RAB31: variants seen among roughly 807,000 people sequenced by gnomAD.
The protein encoded by RAB31 is RAB31, member RAS oncogene family, also known as ras-related protein Rab-31.
In RAB31, 21 loss-of-function variants were observed where a neutral mutation model predicts 25.6. The observed-to-expected ratio is 0.82, with a 90% confidence interval of 0.58 to 1.18. RAB31 has a LOEUF of 1.18. Ranked by LOEUF, RAB31 falls within the 50% of genes most tolerant of loss-of-function variation. The pLI is 0.00. For synonymous variants in RAB31, 87 were observed against 84.0 expected, an observed-to-expected ratio of 1.04 and a Z score of -0.20; for missense variants, 196 against 250.1, an observed-to-expected ratio of 0.78 and a Z score of 1.46.
intron 1 of RAB31, among the ~76,000 whole-genome samples, chr18:9,760,751 C>G (rs1468387983): frequency 6.6e-6 from 1 of 152,154 alleles, no homozygotes; most frequent in African/African-American, 2.4e-5. Context: ...TCCCAAGGCC[C>G]CCGCTAAGGA....
chr18:9,803,391 A>G (rs2068523905), intron 3 of RAB31, among the ~76,000 whole-genome samples: 1 of 152,106 alleles, frequency 6.6e-6, no homozygotes. Flanking sequence ...ACCAGCCACT[A>G]TGCCTGGCTA....
At chr18:9,819,124 A>G (rs1007880179) in intron 5 of RAB31, among the ~76,000 whole-genome samples, 6 of 152,136 alleles carry the variant, frequency 3.9e-5, no homozygotes, top group African/African-American at 1.4e-4. Context: ...TGTCCAGCTT[A>G]TCATGTTTTT....
At chr18:9,857,717 T>TAGAG (rs2068825931) in intron 6 of RAB31, among the ~76,000 whole-genome samples, 1 of 151,294 alleles carries the variant, frequency 6.6e-6, no homozygotes, top group East Asian at 1.9e-4. Context: ...GATAGATAGA[T>TAGAG]AGATAGATAG....
At chr18:9,823,080 T>C (rs1369514177) in intron 5 of RAB31, among the ~76,000 whole-genome samples, 8 of 152,176 alleles carry the variant, frequency 5.3e-5, no homozygotes, top group Non-Finnish European at 1.0e-4. Context: ...TACTCAGCAC[T>C]AAAAGGAGGC....
chr18:9,729,382 C>T (rs980458636), intron 1 of RAB31, among the ~76,000 whole-genome samples: 2 of 151,926 alleles, frequency 1.3e-5, no homozygotes, highest in African/African-American at 4.8e-5. Flanking sequence ...AAAAAATTAG[C>T]CGGGCGTGGT....
intron 1 of RAB31, among the ~76,000 whole-genome samples, chr18:9,743,689 A>G (rs796818730): frequency 2.6e-5 from 4 of 152,330 alleles, no homozygotes; most frequent in African/African-American, 9.6e-5. Context: ...ACACACTCTG[A>G]GTCACCACCA....
chr18:9,721,870 G>A (rs570138529), intron 1 of RAB31, among the ~76,000 whole-genome samples: 1 of 152,202 alleles, frequency 6.6e-6, no homozygotes, highest in East Asian at 1.9e-4. Flanking sequence ...AAGGGCCCTG[G>A]GCATGCTGGT....
chr18:9,773,840 T>G (rs2068358185), intron 1 of RAB31, among the ~76,000 whole-genome samples: 1 of 152,074 alleles, frequency 6.6e-6, no homozygotes, highest in Non-Finnish European at 1.5e-5. Context: ...TACATTTTTT[T>G]GTAGAGTCAG....
At chr18:9,799,851 A>G (rs1483067358) in intron 3 of RAB31, among the ~76,000 whole-genome samples, 1 of 152,188 alleles carries the variant, frequency 6.6e-6, no homozygotes, top group Non-Finnish European at 1.5e-5. Flanking sequence ...CATTAGTAAG[A>G]TTTGTGCATG....
chr18:9,741,647 G>A (rs1357969172), intron 1 of RAB31, among the ~76,000 whole-genome samples: 1 of 152,146 alleles, frequency 6.6e-6, no homozygotes, highest in East Asian at 1.9e-4. Context: ...CCTGTGTGCA[G>A]CACGTACATG....
At chr18:9,819,427 A>G (rs2068614620) in intron 5 of RAB31, among the ~76,000 whole-genome samples, 1 of 152,174 alleles carries the variant, frequency 6.6e-6, no homozygotes, top group African/African-American at 2.4e-5. Context: ...GTTGATCTAC[A>G]CGTCTGTCCT....
At chr18:9,720,903 G>A (rs921771527) in intron 1 of RAB31, among the ~76,000 whole-genome samples, 5 of 152,122 alleles carry the variant, frequency 3.3e-5, no homozygotes, top group African/African-American at 1.2e-4. Flanking sequence ...TAGCTTCGGT[G>A]AAATGACAGG....
intron 3 of RAB31, among the ~76,000 whole-genome samples, chr18:9,793,654 T>A (rs1287104344): frequency 1.3e-5 from 2 of 149,030 alleles, no homozygotes; most frequent in South Asian, 4.3e-4. Flanking sequence ...AGAGTGAGAC[T>A]CCAGCTCAAA....
chr18:9,749,513 T>G (rs2068223316), intron 1 of RAB31, among the ~76,000 whole-genome samples: 2 of 152,246 alleles, frequency 1.3e-5, no homozygotes, highest in South Asian at 4.1e-4. Flanking sequence ...ATTTATAGTT[T>G]ACATAGCTTC....
intron 1 of RAB31, among the ~76,000 whole-genome samples, chr18:9,716,010 G>A (rs1304919411): frequency 6.6e-6 from 1 of 152,174 alleles, no homozygotes; most frequent in Non-Finnish European, 1.5e-5. Context: ...TGAACACAGG[G>A]TATCAAACAT....
intron 1 of RAB31, among the ~76,000 whole-genome samples, chr18:9,764,943 T>C (rs2068307742): frequency 7.9e-6 from 1 of 126,510 alleles, no homozygotes; most frequent in Non-Finnish European, 1.7e-5. Flanking sequence ...ACCCACCTTT[T>C]TCTTTCTTTC....
chr18:9,785,944 C>A (rs1351821959), intron 2 of RAB31, among the ~76,000 whole-genome samples: 3 of 152,038 alleles, frequency 2.0e-5, no homozygotes, highest in Non-Finnish European at 4.4e-5. Context: ...CCCTGTAATC[C>A]CAGCTACTCA....
intron 1 of RAB31, among the ~76,000 whole-genome samples, chr18:9,733,960 C>T (rs7235767): frequency 0.41 from 61,554 of 151,260 alleles, 12,868 homozygotes; most frequent in Middle Eastern, 0.48. Context: ...AAATTCCTCC[C>T]AACTGAAAAG....
chr18:9,730,034 A>G (rs917349545), intron 1 of RAB31, among the ~76,000 whole-genome samples: 2 of 152,234 alleles, frequency 1.3e-5, no homozygotes, highest in Non-Finnish European at 2.9e-5. Context: ...CATATAAAAA[A>G]TGATCGTACA....
Sources: gnomAD v4.1 joint callset for allele counts (sites outside exome capture counted in the v4.1 genomes callset) on GRCh38, gnomAD v4.1.1 for gene constraint, MANE v1.5 for transcripts, NCBI Gene and HGNC (gene_info 2026-07-23, HGNC 2026-07-21) for gene names.